PLCB4: variants seen among roughly 807,000 people sequenced by gnomAD.
The protein encoded by PLCB4 is 1-phosphatidylinositol 4,5-bisphosphate phosphodiesterase beta-4.
In PLCB4, 77 loss-of-function variants were observed where a neutral mutation model predicts 178.8. That is an observed-to-expected ratio of 0.43 (90% CI 0.36 to 0.52). The LOEUF (loss-of-function observed/expected upper bound fraction) is 0.52. PLCB4 is among the 20% of genes least tolerant of loss of function. The probability of loss-of-function intolerance (pLI) is 0.00; values close to 1 mark genes in which losing one functional copy is unlikely to be tolerated. For synonymous variants in PLCB4, 496 were observed against 490.8 expected, an observed-to-expected ratio of 1.01 and a Z score of -0.14; for missense variants, 1,024 against 1,453.4, an observed-to-expected ratio of 0.70 and a Z score of 4.80.
At chr20:9,297,700 C>G (rs1223478993) in intron 3 of PLCB4, among the ~76,000 whole-genome samples, 1 of 151,986 alleles carries the variant, frequency 6.6e-6, no homozygotes, top group Non-Finnish European at 1.5e-5. Context: ...TTGAACCATT[C>G]TAAAGTTGAA....
At chr20:9,458,631 T>C (rs2043201180) in intron 34 of PLCB4, among the ~76,000 whole-genome samples, 1 of 152,168 alleles carries the variant, frequency 6.6e-6, no homozygotes, top group Admixed American at 6.5e-5. Flanking sequence ...TGTTGCTTGT[T>C]TTCCTACATG....
At chr20:9,196,125 A>G (rs2093469224) in intron 2 of PLCB4, among the ~76,000 whole-genome samples, 1 of 152,176 alleles carries the variant, frequency 6.6e-6, no homozygotes, top group African/African-American at 2.4e-5. Flanking sequence ...TACTGTAGTA[A>G]TTACAGAGGC....
intron 2 of PLCB4, among the ~76,000 whole-genome samples, chr20:9,159,108 A>G (rs1162431354): frequency 2.0e-5 from 3 of 152,156 alleles, no homozygotes; most frequent in Non-Finnish European, 4.4e-5. Flanking sequence ...GTCCCTTACC[A>G]CTTTATCTGG....
chr20:9,116,615 G>A (rs2146722229), intron 2 of PLCB4, among the ~76,000 whole-genome samples: 1 of 152,264 alleles, frequency 6.6e-6, no homozygotes, highest in South Asian at 2.1e-4. Flanking sequence ...TCTCAGCCAT[G>A]ACAATAGCTT....
intron 35 of PLCB4, among the ~76,000 whole-genome samples, chr20:9,467,200 G>A (rs572230815): frequency 6.6e-6 from 1 of 152,160 alleles, no homozygotes; most frequent in Non-Finnish European, 1.5e-5. Context: ...AACACCGTAT[G>A]TTCTTACTCA....
chr20:9,292,901 A>G (rs1182774884), intron 3 of PLCB4, among the ~76,000 whole-genome samples: 1 of 152,158 alleles, frequency 6.6e-6, no homozygotes, highest in Non-Finnish European at 1.5e-5. Flanking sequence ...CAACATGGCG[A>G]AACCCTGTCT....
intron 2 of PLCB4, among the ~76,000 whole-genome samples, chr20:9,182,655 A>G (rs954516843): frequency 2.0e-5 from 3 of 152,186 alleles, no homozygotes; most frequent in Non-Finnish European, 2.9e-5. Flanking sequence ...TGTTGTCTCT[A>G]GGAAATGAAC....
chr20:9,450,197 T>C (rs950347091), intron 32 of PLCB4, among the ~76,000 whole-genome samples: 2 of 152,258 alleles, frequency 1.3e-5, no homozygotes, highest in Non-Finnish European at 2.9e-5. Flanking sequence ...GAGAAATGTA[T>C]GTCTCTTCAA....
chr20:9,386,149 A>G (rs1208914242), intron 14 of PLCB4, among the ~76,000 whole-genome samples: 1 of 151,844 alleles, frequency 6.6e-6, no homozygotes, highest in Non-Finnish European at 1.5e-5. Context: ...GGCACTTGGC[A>G]GGCCGAGGCA....
intron 28 of PLCB4, among the ~76,000 whole-genome samples, chr20:9,425,746 C>G (rs759108490): frequency 6.6e-6 from 1 of 152,188 alleles, no homozygotes; most frequent in Non-Finnish European, 1.5e-5. Context: ...GATGCCTTAA[C>G]CAGAGTTGAC....
rs142661693 is a variant in PLCB4 at position 9,388,055 on chromosome 20, A to G, written c.1158+499A>G. ...GGAGTTGGAGACCAGCCTGACCAACATGGGGAAACCCTGTCTCTACCAAAA... is the reference window on the plus strand; with the variant it reads ...GGAGTTGGAGACCAGCCTGACCAACGTGGGGAAACCCTGTCTCTACCAAAA... On this transcript the variant is annotated intron_variant, in intron 15 of 39. Transcript: ENST00000378473. Among the ~76,000 whole-genome samples the G allele has an allele frequency of 3.0e-3, 457 of 152,288 alleles. 5 individuals are homozygous for G. Among genetic ancestry groups the G allele is most frequent in the African/African-American group, 0.01 (418 of 41,574 alleles).
rs398035325 is a variant in PLCB4 at position 9,273,675 on chromosome 20, A to AGTGTGTGT, written c.-15-34088_-15-34081dup. Among the ~76,000 whole-genome samples the AGTGTGTGT allele has an allele frequency of 4.7e-3, 634 of 135,920 alleles. 6 individuals carry two copies. The highest frequency in any genetic ancestry group is 0.016 in the East Asian group (73 of 4,578). The allele number at this position is 135,920 out of a possible 152,430, so 89.2% of individuals were successfully genotyped here. A position where few individuals can be genotyped will look rare whatever the true frequency, so the allele number is the denominator to read the frequency against. ...AATACAGACTGGTTATTATGGTTGC[A>AGTGTGTGT]GTGTGTGTGTGTGTGTGTGTGTGTG... is the stretch of plus-strand genomic sequence containing the variant. On this transcript the variant is annotated intron_variant, in intron 3 of 39. Transcript: ENST00000378473.
intron 3 of PLCB4, among the ~76,000 whole-genome samples, chr20:9,277,735 G>A (rs188044758): frequency 6.6e-6 from 1 of 152,054 alleles, no homozygotes; most frequent in African/African-American, 2.4e-5. Context: ...CATAATGACC[G>A]AGGGTACCCA....
chr20:9,071,733 A>G (rs2089584105), intron 1 of PLCB4, among the ~76,000 whole-genome samples: 1 of 152,190 alleles, frequency 6.6e-6, no homozygotes, highest in African/African-American at 2.4e-5. Flanking sequence ...GTAATGTAAG[A>G]AAGATTTTGG....
At chr20:9,190,648 C>T (rs2093389910) in intron 2 of PLCB4, among the ~76,000 whole-genome samples, 1 of 152,062 alleles carries the variant, frequency 6.6e-6, no homozygotes, top group South Asian at 2.1e-4. Context: ...AGACTGGAGA[C>T]CAGGTATAAA....
chr20:9,338,798 A>G, intron 6 of PLCB4, 96 bp from the exon 7 acceptor site: 1 of 933,732 alleles, frequency 1.1e-6, no homozygotes. Context: ...CCTTATGTTT[A>G]TTTTTACATT....
intron 30 of PLCB4, among the ~76,000 whole-genome samples, chr20:9,437,959 T>TA (rs1156465986): frequency 1.3e-5 from 2 of 152,198 alleles, no homozygotes; most frequent in African/African-American, 2.4e-5. Flanking sequence ...CATGCCTAGT[T>TA]AAAATCTAGT....
At position 9,437,109 on chromosome 20, in the gene PLCB4, A is replaced by G. The variant is rs986219336; in HGVS notation, c.2721A>G (p.Pro907=). Residue 907 remains proline (P), a synonymous_variant, in exon 30 of 40, where the codon CCA becomes CCG. Coordinates refer to ENST00000378473, the MANE Select transcript of PLCB4 (RefSeq NM_001377142.1). ...VTPQSSSELR[P]TTTAALASGV... is the part of the protein sequence containing the mutation. ...CTCAGAGTAGCTCTGAGCTCAGACC[A>G]ACCACCACGGCTGCCCTGGCCTCTG... The G allele has an allele frequency of 5.6e-6, 9 of 1,613,998 alleles. No individual in the cohort carries two copies. Among genetic ancestry groups the G allele is most frequent in the Non-Finnish European group, 5.9e-6 (7 of 1,180,000 alleles).
chr20:9,463,593 C>CAA (rs145361980), intron 35 of PLCB4, among the ~76,000 whole-genome samples: 3,596 of 49,664 alleles, frequency 0.072, 372 homozygotes, highest in African/African-American at 0.18. Context: ...AAATGGAAAG[C>CAA]AAAAAAAAAA....
Sources: gnomAD v4.1 joint callset for allele counts (sites outside exome capture counted in the v4.1 genomes callset) on GRCh38, gnomAD v4.1.1 for gene constraint, MANE v1.5 for transcripts, NCBI Gene and HGNC (gene_info 2026-07-23, HGNC 2026-07-21) for gene names.